EXOC6B: variants seen among roughly 807,000 people sequenced by gnomAD.
The protein encoded by EXOC6B is exocyst complex component 6B, also known as SEC15 homolog B.
A neutral mutation model predicts 113.5 loss-of-function variants in EXOC6B; 54 were observed. That is an observed-to-expected ratio of 0.48 (90% CI 0.38 to 0.60). EXOC6B has a LOEUF of 0.60. Ranked by LOEUF, EXOC6B falls within the 20% of genes least tolerant of loss-of-function variation. The pLI is 0.00. For synonymous variants in EXOC6B, 357 were observed against 339.0 expected, an observed-to-expected ratio of 1.05 and a Z score of -0.58; for missense variants, 797 against 977.5, an observed-to-expected ratio of 0.82 and a Z score of 2.46.
rs1558630396 is a variant in EXOC6B at position 72,401,530 on chromosome 2, T to TAC, written c.1981-21661_1981-21660insGT. Among the ~76,000 whole-genome samples, 34 of 30,342 alleles carry TAC rather than the reference T, an allele frequency of 1.1e-3. 3 individuals carry two copies. The highest frequency in any genetic ancestry group is 2.2e-3 in the South Asian group (3 of 1,366). 19.9% of individuals were successfully genotyped at this position (30,342 alleles called of 152,430 possible). A position where few individuals can be genotyped will look rare whatever the true frequency, so the allele number is the denominator to read the frequency against. ...ATATATATATACATATATACATATATATATATATATATATGTGTATATATA... is the reference window on the plus strand; with the variant it reads ...ATATATATATACATATATACATATATACATATATATATATATGTGTATATATA... On this transcript the variant is annotated intron_variant, in intron 18 of 21. Coordinates refer to ENST00000272427, the MANE Select transcript of EXOC6B (RefSeq NM_015189.3).
chr2:72,632,729 T>A (rs769498011), intron 6 of EXOC6B, among the ~76,000 whole-genome samples: 3 of 152,184 alleles, frequency 2.0e-5, no homozygotes, highest in Non-Finnish European at 2.9e-5. Flanking sequence ...TCTCCCAGGC[T>A]GGAGTACAGT....
chr2:72,498,593 A>T (rs879121505), intron 12 of EXOC6B, 42 bp from the exon 13 acceptor site: 44 of 1,183,090 alleles, frequency 3.7e-5, no homozygotes, highest in Middle Eastern at 2.2e-4. Flanking sequence ...CTAAGGAAGG[A>T]GTTTTTTTTT....
intron 18 of EXOC6B, chr2:72,464,837 C>G (rs1265407199): frequency 1.3e-5 from 4 of 308,254 alleles, no homozygotes; most frequent in Middle Eastern, 9.0e-4. Context: ...CTAAAATATA[C>G]ATATCTGAAA....
chr2:72,529,270 T>C (rs1302608376), intron 8 of EXOC6B, among the ~76,000 whole-genome samples: 1 of 152,224 alleles, frequency 6.6e-6, no homozygotes, highest in Non-Finnish European at 1.5e-5. Context: ...TTTTTCTGCA[T>C]CAAATGATAT....
intron 18 of EXOC6B, among the ~76,000 whole-genome samples, chr2:72,382,032 ACT>A (rs1691707522): frequency 6.6e-6 from 1 of 152,266 alleles, no homozygotes; most frequent in South Asian, 2.1e-4. Flanking sequence ...GATGGGCCAC[ACT>A]CTGCATGATT....
chr2:72,509,442 C>T (rs1053078078), intron 11 of EXOC6B, among the ~76,000 whole-genome samples: 18 of 152,012 alleles, frequency 1.2e-4, no homozygotes, highest in African/African-American at 3.9e-4. Context: ...ATACCCTATG[C>T]TAAAATAAAT....
At position 72,368,983 on chromosome 2, in the gene EXOC6B, C is replaced by T. The variant is rs74450292; in HGVS notation, c.2122+10746G>A. Among the ~76,000 whole-genome samples, 207 of 152,312 alleles carry T rather than the reference C, an allele frequency of 1.4e-3. 6 individuals are homozygous for T. The East Asian group carries it at 0.033, about 24-fold the overall frequency. Reference sequence around the variant, plus strand: ...ACAGGGATGCCCACTTTCACCACTCCTATTCAACACAGTGTTGGAAGTTCT... The same window carrying T: ...ACAGGGATGCCCACTTTCACCACTCTTATTCAACACAGTGTTGGAAGTTCT... On this transcript the variant is annotated intron_variant, in intron 19 of 21. Coordinates refer to ENST00000272427, the MANE Select transcript of EXOC6B (RefSeq NM_015189.3).
chr2:72,184,007 T>A, intron 21 of EXOC6B, 68 bp downstream of exon 21: 3 of 900,162 alleles, frequency 3.3e-6, no homozygotes. Context: ...GGCAAAATTA[T>A]CTTCTACGCC....
At chr2:72,697,264 G>A (rs897533736) in intron 6 of EXOC6B, among the ~76,000 whole-genome samples, 54 of 152,052 alleles carry the variant, frequency 3.6e-4, no homozygotes, top group African/African-American at 1.3e-3. Flanking sequence ...TATAAATACA[G>A]ATATTGGGCA....
intron 18 of EXOC6B, among the ~76,000 whole-genome samples, chr2:72,401,530 T>C (rs1295604602): frequency 2.3e-4 from 7 of 30,334 alleles, no homozygotes; most frequent in African/African-American, 1.5e-3. Flanking sequence ...TATACATATA[T>C]ATATATATAT....
chr2:72,633,353 G>C (rs1672608706), intron 6 of EXOC6B, among the ~76,000 whole-genome samples: 1 of 151,894 alleles, frequency 6.6e-6, no homozygotes, highest in Non-Finnish European at 1.5e-5. Flanking sequence ...CACAATGTAT[G>C]TTGTTGTTGT....
chr2:72,238,852 T>C (rs1682126789), intron 20 of EXOC6B, among the ~76,000 whole-genome samples: 1 of 152,220 alleles, frequency 6.6e-6, no homozygotes, highest in South Asian at 2.1e-4. Context: ...TGGTTTGTCT[T>C]TCCACTTTCT....
chr2:72,239,941 T>C (rs1682199487), intron 20 of EXOC6B, among the ~76,000 whole-genome samples: 1 of 152,162 alleles, frequency 6.6e-6, no homozygotes, highest in African/African-American at 2.4e-5. Flanking sequence ...CTTCATTTCA[T>C]TTTTAATTTG....
At chr2:72,237,237 T>A (rs1159764) in intron 20 of EXOC6B, among the ~76,000 whole-genome samples, 56,125 of 152,020 alleles carry the variant, frequency 0.37, 13,097 homozygotes, top group African/African-American at 0.66. Flanking sequence ...ATGTATCACT[T>A]AGATGTCAAT....
chr2:72,331,843 A>C (rs1688431525), intron 20 of EXOC6B, among the ~76,000 whole-genome samples: 1 of 152,130 alleles, frequency 6.6e-6, no homozygotes, highest in Non-Finnish European at 1.5e-5. Context: ...AGAAGTAGAA[A>C]AGTGAGAATA....
rs190663281 is a variant in EXOC6B, at chr2:72,419,854, A to G, written c.1981-39984T>C. On this transcript the variant is annotated intron_variant, in intron 18 of 21. Transcript: ENST00000272427. ...TTCATGTCTTCCAACAATCTTGGAA[A>G]GTTTTCAGCTATTATTTCTTCAGAT... is the stretch of plus-strand genomic sequence containing the variant. 1.9e-4 allele frequency among the ~76,000 whole-genome samples: 29 copies of G among 152,276 alleles called. No individual in the cohort carries two copies. The East Asian group carries it at 5.6e-3, about 29-fold the overall frequency.
At chr2:72,238,984 A>C (rs13382986) in intron 20 of EXOC6B, among the ~76,000 whole-genome samples, 18,155 of 152,070 alleles carry the variant, frequency 0.12, 1,348 homozygotes, top group Admixed American at 0.16. Flanking sequence ...CTGCAGCCTC[A>C]ACCTCCCAGG....
At chr2:72,415,704 G>A (rs1270101813) in intron 18 of EXOC6B, among the ~76,000 whole-genome samples, 1 of 151,940 alleles carries the variant, frequency 6.6e-6, no homozygotes, top group Non-Finnish European at 1.5e-5. Context: ...GGAAGAATAG[G>A]CAGCACAAAG....
rs147404315 is a variant in EXOC6B, at chr2:72,661,442, A to G, written c.669+56661T>C. 7.5e-4 allele frequency among the ~76,000 whole-genome samples: 114 copies of G among 152,124 alleles called. 1 individual carries two copies. Among genetic ancestry groups the G allele is most frequent in the African/African-American group, 2.4e-3 (101 of 41,566 alleles). ...CTTGTACAATATAGGGTCAATATCA[A>G]TATCATAAATATCAACAATACTTCT... On this transcript the variant is annotated intron_variant, in intron 6 of 21. Transcript: ENST00000272427.
Sources: gnomAD v4.1 joint callset for allele counts (sites outside exome capture counted in the v4.1 genomes callset) on GRCh38, gnomAD v4.1.1 for gene constraint, MANE v1.5 for transcripts, NCBI Gene and HGNC (gene_info 2026-07-23, HGNC 2026-07-21) for gene names.